Variants in ITGA4 observed in about 807,000 individuals in gnomAD.
ITGA4 encodes the protein integrin alpha-4.
In ITGA4, 63 loss-of-function variants were observed where a neutral mutation model predicts 133.6. That is an observed-to-expected ratio of 0.47 (90% CI 0.38 to 0.58). ITGA4 has a LOEUF of 0.58. Among genes scored for constraint, ITGA4 ranks in the 20% least tolerant of loss-of-function variants. The pLI is 0.00. For synonymous variants in ITGA4, 483 were observed against 438.0 expected (o/e 1.10, Z -1.28); for missense variants, 1,076 against 1,252.7 (o/e 0.86, Z 2.13).
chr2:181,514,318 G>T (rs191486350), intron 17 of ITGA4, among the ~76,000 whole-genome samples: 3 of 152,064 alleles, frequency 2.0e-5, no homozygotes, highest in Non-Finnish European at 4.4e-5. Context: ...TTGACAAATA[G>T]GGTTGAGTAC....
chr2:181,527,516 C>T (rs1574413241), intron 22 of ITGA4, 129 bp downstream of exon 22: 7 of 629,902 alleles, frequency 1.1e-5, no homozygotes, highest in South Asian at 1.1e-4. Flanking sequence ...TGGAATGGGG[C>T]AGCAGCAGTG....
rs769522434 is a variant in ITGA4, at chr2:181,495,887, A to T, written c.1490A>T (p.Asp497Val). ...VENGWPSVCI[D>V]LTLCFSYKGK... The stretch of plus-strand genomic sequence containing the variant: ...AATGGATGGCCTTCTGTGTGCATAG[A>T]TCTAACACTTTGTTTCTCATATAAG... The change falls in exon 14 of 28, where the codon GAT (aspartate) becomes GTT (valine). Residue 497 changes from aspartate to valine, a missense_variant. Transcript: ENST00000397033. This position sits in a 1 kb window ranked among gnomAD's most constrained non-coding sequence, Gnocchi z 4.3. 2 of 1,614,020 alleles carry T rather than the reference A, an allele frequency of 1.2e-6. No individual in the cohort carries two copies. The highest frequency in any genetic ancestry group is 1.1e-5 in the South Asian group (1 of 91,082).
intron 3 of ITGA4, 42 bp downstream of exon 3, chr2:181,475,108 C>G (rs772047310): frequency 1.2e-6 from 2 of 1,613,256 alleles, no homozygotes; most frequent in Admixed American, 1.7e-5. Context: ...GTGAAATCAG[C>G]TATCCTGGGT....
chr2:181,486,915 G>C (rs1041798260), intron 10 of ITGA4, among the ~76,000 whole-genome samples: 4 of 151,984 alleles, frequency 2.6e-5, no homozygotes, highest in Admixed American at 6.6e-5. Context: ...TAAAGTGCTG[G>C]GGTACTATAA....
intron 10 of ITGA4, among the ~76,000 whole-genome samples, chr2:181,488,454 A>G (rs981643087): frequency 1.3e-5 from 2 of 152,140 alleles, no homozygotes; most frequent in Admixed American, 6.5e-5. Context: ...GCTATTTATA[A>G]TGTCATTTAT....
chr2:181,509,578 C>T, intron 15 of ITGA4, 80 bp from the exon 16 acceptor site: 3 of 1,097,472 alleles, frequency 2.7e-6, no homozygotes, highest in South Asian at 4.2e-5. Context: ...AGTGTTTGGC[C>T]CTTTTCAGGA....
chr2:181,493,172 T>C (rs904707139), intron 10 of ITGA4, 153 bp from the exon 11 acceptor site: 1 of 583,028 alleles, frequency 1.7e-6, no homozygotes, highest in African/African-American at 1.9e-5. Flanking sequence ...ATGATGATGA[T>C]AGTATTTTAT....
intron 15 of ITGA4, among the ~76,000 whole-genome samples, chr2:181,502,243 G>A (rs1686289695): frequency 1.3e-5 from 2 of 152,064 alleles, no homozygotes; most frequent in Non-Finnish European, 1.5e-5. Context: ...GGAACGGGGG[G>A]AAGGAAAGGA....
rs773887582 is a variant in ITGA4, at chr2:181,535,517, A to C, written c.3089A>C (p.Asn1030Thr). Residue 1030 changes from asparagine to threonine, a missense_variant, in exon 28 of 28, where the codon AAT (asparagine) becomes ACT (threonine). Physicochemically the swap from Asn to Thr is moderately conservative, Grantham distance 65 (BLOSUM62 0). This residue lies in a region of ITGA4 where 193 missense variants were observed against 172.3 expected (regional missense o/e 1.12). Coordinates refer to ENST00000397033, the MANE Select transcript of ITGA4 (RefSeq NM_000885.6). Reference sequence around the variant, plus strand: ...TGGAGTTATATCAACAGTAAAAGCAATGATGATTAAGGACTTCTTTCAAAT... The same window carrying C: ...TGGAGTTATATCAACAGTAAAAGCACTGATGATTAAGGACTTCTTTCAAAT... ...DSWSYINSKS[N>T]DD 1.9e-6 allele frequency: 3 copies of C among 1,607,784 alleles called. No homozygotes were observed. Among genetic ancestry groups the C allele is most frequent in the South Asian group, 2.2e-5 (2 of 90,106 alleles).
intron 15 of ITGA4, among the ~76,000 whole-genome samples, chr2:181,500,198 T>G (rs1243595414): frequency 6.6e-6 from 1 of 152,176 alleles, no homozygotes; most frequent in East Asian, 1.9e-4. Context: ...TTTCTCTTCC[T>G]AAGTTACCTT....
intron 24 of ITGA4, among the ~76,000 whole-genome samples, chr2:181,531,351 G>C: frequency 6.6e-6 from 1 of 152,002 alleles, no homozygotes. Flanking sequence ...CAAAGAATAC[G>C]TAACTTAGCA....
chr2:181,509,587 G>A, intron 15 of ITGA4, 71 bp from the exon 16 acceptor site: 1 of 1,236,518 alleles, frequency 8.1e-7, no homozygotes, highest in Non-Finnish European at 1.1e-6. Context: ...CCCTTTTCAG[G>A]AAAGGAGTTT....
chr2:181,468,536 A>G (rs1685476319), intron 2 of ITGA4, among the ~76,000 whole-genome samples: 1 of 152,180 alleles, frequency 6.6e-6, no homozygotes, highest in South Asian at 2.1e-4. Flanking sequence ...GAGGTGACAT[A>G]CAAGGTCAAA....
At chr2:181,462,585 T>C (rs1232091272) in intron 2 of ITGA4, among the ~76,000 whole-genome samples, 1 of 152,210 alleles carries the variant, frequency 6.6e-6, no homozygotes, top group Non-Finnish European at 1.5e-5. Context: ...AGATTGGTCA[T>C]TTTGAAAAAT....
At chr2:181,533,210 A>G (rs1292263167) in intron 25 of ITGA4, among the ~76,000 whole-genome samples, 1 of 152,192 alleles carries the variant, frequency 6.6e-6, no homozygotes, top group African/African-American at 2.4e-5. Flanking sequence ...GATGATTTTT[A>G]TAAGCACTTA....
At chr2:181,460,370 C>G (rs935865591) in intron 2 of ITGA4, among the ~76,000 whole-genome samples, 3 of 152,154 alleles carry the variant, frequency 2.0e-5, no homozygotes, top group Non-Finnish European at 4.4e-5. Flanking sequence ...AACTGCCTCT[C>G]TATTCAGAAT....
chr2:181,534,168 G>T (rs750390640), intron 25 of ITGA4, 104 bp from the exon 26 acceptor site: 14 of 655,040 alleles, frequency 2.1e-5, no homozygotes, highest in Non-Finnish European at 3.7e-5. Context: ...AAATAAATTG[G>T]GGAAGGTAAA....
In ITGA4 at chr2:181,495,364, C is replaced by T. The variant is rs764862055; in HGVS notation, c.1340-7C>T. On this transcript the variant is annotated splice_polypyrimidine_tract_variant and splice_region_variant and intron_variant, in intron 12 of 27. Transcript: ENST00000397033. The surrounding 1 kb of genome is among the most constrained non-coding windows in gnomAD (Gnocchi z 4.3). ...ATCATTAATCTGTGTTGTTTTTTAT[C>T]CTCCAGATGTAGCAGTTGGTGCTTT... 1.2e-6 allele frequency: 2 copies of T among 1,605,662 alleles called. No homozygotes were observed. Among genetic ancestry groups the T allele is most frequent in the South Asian group, 1.1e-5 (1 of 90,820 alleles).
At chr2:181,458,057 T>G (rs1380008387) in intron 1 of ITGA4, 139 bp from the exon 2 acceptor site, 2 of 1,277,600 alleles carry the variant, frequency 1.6e-6, no homozygotes, top group African/African-American at 2.9e-5. Flanking sequence ...TGCAAGGTCT[T>G]GGAGCTTCGA....
Sources: gnomAD v4.1 joint callset for allele counts (sites outside exome capture counted in the v4.1 genomes callset) on GRCh38, gnomAD v4.1.1 for gene constraint, gnomAD v4.1.1 regional missense constraint, Gnocchi (gnomAD v3.1) non-coding constraint, MANE v1.5 for transcripts, NCBI Gene and HGNC (gene_info 2026-07-23, HGNC 2026-07-21) for gene names.